The following TSPAN13 variants were observed in gnomAD, a reference collection of about 807,000 sequenced individuals.
TSPAN13 encodes the protein tetraspanin-13.
In TSPAN13, 18 loss-of-function variants were observed where a neutral mutation model predicts 26.9. The ratio of observed to expected loss-of-function variants is 0.67; its 90% confidence interval spans 0.46 to 0.99. The LOEUF is 0.99. Among genes scored for constraint, TSPAN13 ranks in the 50% least tolerant of loss-of-function variants. The pLI is 0.00. For missense variants in TSPAN13, 201 were observed against 249.6 expected (o/e 0.81, Z 1.31); for synonymous variants, 116 against 98.4 (o/e 1.18, Z -1.06).
intron 1 of TSPAN13, among the ~76,000 whole-genome samples, chr7:16,769,934 T>G (rs1482666750): frequency 6.6e-6 from 1 of 152,166 alleles, no homozygotes; most frequent in African/African-American, 2.4e-5. Context: ...CTTTGGCTTT[T>G]TGATCGGTAT....
In TSPAN13 at chr7:16,777,084, G is replaced by C; in HGVS notation, c.274G>C (p.Val92Leu). The change falls in exon 3 of 6, where the codon GTA becomes CTA. Residue 92 changes from valine (V) to leucine (L), a missense_variant. Transcript: ENST00000262067. ...ACTTGTATTTATTGTTCAGTTTTCTGTATCTTGCGCTTGTTTAGCCCTGAA... is the reference window on the plus strand; with the variant it reads ...ACTTGTATTTATTGTTCAGTTTTCTCTATCTTGCGCTTGTTTAGCCCTGAA... ...LLLVFIVQFS[V>L]SCACLALNQE... The C allele has an allele frequency of 6.2e-7, 1 of 1,613,434 alleles. No homozygotes were observed.
At chr7:16,765,159 G>A (rs2115326383) in intron 1 of TSPAN13, among the ~76,000 whole-genome samples, 1 of 152,290 alleles carries the variant, frequency 6.6e-6, no homozygotes, top group East Asian at 1.9e-4. Context: ...CTGGAGTGCA[G>A]TGGCATGAAC....
chr7:16,759,721 T>A (rs1295845996), intron 1 of TSPAN13, among the ~76,000 whole-genome samples: 3 of 146,566 alleles, frequency 2.0e-5, no homozygotes, highest in Admixed American at 7.0e-5. Flanking sequence ...TTTTTTGATA[T>A]AGGGTATTGC....
chr7:16,762,681 C>T (rs1242552612), intron 1 of TSPAN13, among the ~76,000 whole-genome samples: 2 of 152,114 alleles, frequency 1.3e-5, no homozygotes, highest in South Asian at 4.1e-4. Context: ...GAAGTCAAGA[C>T]CCAGGTAACC....
chr7:16,765,127 G>C (rs1214616107), intron 1 of TSPAN13, among the ~76,000 whole-genome samples: 3 of 151,984 alleles, frequency 2.0e-5, no homozygotes, highest in Admixed American at 2.0e-4. Flanking sequence ...TTTTGAGACA[G>C]GGTCTTGCTC....
At chr7:16,771,823 A>G (rs930040958) in intron 1 of TSPAN13, among the ~76,000 whole-genome samples, 2 of 152,208 alleles carry the variant, frequency 1.3e-5, no homozygotes, top group African/African-American at 4.8e-5. Context: ...TGGTAGTGGT[A>G]ATTAGGGTAG....
intron 1 of TSPAN13, among the ~76,000 whole-genome samples, chr7:16,755,709 A>C (rs1784474895): frequency 6.6e-6 from 1 of 152,042 alleles, no homozygotes; most frequent in Admixed American, 6.6e-5. Flanking sequence ...TACTTTGCAT[A>C]CTTACTTCAC....
intron 1 of TSPAN13, among the ~76,000 whole-genome samples, chr7:16,754,848 T>C (rs940484657): frequency 6.6e-6 from 1 of 152,188 alleles, no homozygotes; most frequent in African/African-American, 2.4e-5. Context: ...GATCGACATT[T>C]ATTGAATGCC....
chr7:16,762,302 T>C (rs1186592964), intron 1 of TSPAN13, among the ~76,000 whole-genome samples: 1 of 152,184 alleles, frequency 6.6e-6, no homozygotes, highest in African/African-American at 2.4e-5. Flanking sequence ...CAGCAGTGTG[T>C]TTTGAGCACC....
chr7:16,754,414 C>T (rs1784458886), intron 1 of TSPAN13, among the ~76,000 whole-genome samples: 1 of 152,170 alleles, frequency 6.6e-6, no homozygotes, highest in Non-Finnish European at 1.5e-5. Context: ...CGTGGAGGCG[C>T]GAGAGCCGTC....
chr7:16,758,096 A>G lies in TSPAN13; in HGVS notation c.63+4066A>G, dbSNP rs112493420. On this transcript the variant is annotated intron_variant, in intron 1 of 5. Transcript: ENST00000262067. ...GCGATCCACCCGCCTCGGTCTCCCA[A>G]AGTGCTGGGATTACAAGCATGAGCA... is the stretch of plus-strand genomic sequence containing the variant. Among the ~76,000 whole-genome samples the G allele has an allele frequency of 1.1e-4, 16 of 152,136 alleles. 1 individual carries two copies. The highest frequency in any genetic ancestry group is 2.6e-4 in the African/African-American group (11 of 41,518).
chr7:16,764,184 A>ATT (rs60512988), intron 1 of TSPAN13, among the ~76,000 whole-genome samples: 2 of 144,290 alleles, frequency 1.4e-5, no homozygotes, highest in Non-Finnish European at 3.0e-5. Context: ...TGCCCAGCTA[A>ATT]TTTTTTTTTT....
Position 16,779,118 on chromosome 7 carries a change from T to G in TSPAN13, c.540+2T>G. On this transcript the variant is annotated splice_donor_variant, in intron 5 of 5. Coordinates refer to ENST00000262067, the MANE Select transcript of TSPAN13 (RefSeq NM_014399.4). LOFTEE classifies it high-confidence loss of function. ...GGCCTGTTCTTCAGTTTTACAGAGG[T>G]ATGTGCAAATAACAATATTTTTCCT... The G allele has an allele frequency of 6.2e-7, 1 of 1,600,816 alleles. No individual in the cohort carries two copies. Among genetic ancestry groups the G allele is most frequent in the Non-Finnish European group, 8.5e-7 (1 of 1,171,326 alleles).
At chr7:16,755,193 C>T (rs1443824562) in intron 1 of TSPAN13, among the ~76,000 whole-genome samples, 2 of 152,188 alleles carry the variant, frequency 1.3e-5, no homozygotes, top group African/African-American at 2.4e-5. Flanking sequence ...GCTAGGCCAT[C>T]TGTGCAAGCT....
intron 3 of TSPAN13, among the ~76,000 whole-genome samples, chr7:16,777,542 C>T (rs1024886669): frequency 2.0e-5 from 3 of 152,096 alleles, no homozygotes; most frequent in African/African-American, 4.8e-5. Context: ...GAGAATTATG[C>T]CTTTGAACCA....
chr7:16,780,066 T>C (rs2115337609), intron 5 of TSPAN13, among the ~76,000 whole-genome samples: 1 of 152,010 alleles, frequency 6.6e-6, no homozygotes, highest in South Asian at 2.1e-4. Context: ...CCACCGTGCC[T>C]GGCCTAGTAT....
chr7:16,759,152 A>G (rs1784514455), intron 1 of TSPAN13, among the ~76,000 whole-genome samples: 1 of 152,172 alleles, frequency 6.6e-6, no homozygotes, highest in South Asian at 2.1e-4. Context: ...AGCTTCACAT[A>G]TGGTGGTCAT....
intron 1 of TSPAN13, among the ~76,000 whole-genome samples, chr7:16,761,643 C>T (rs1177133990): frequency 4.7e-5 from 7 of 150,138 alleles, no homozygotes; most frequent in Non-Finnish European, 1.0e-4. Context: ...TTCTCTCCTT[C>T]TGAGTAGCTA....
intron 5 of TSPAN13, among the ~76,000 whole-genome samples, chr7:16,781,838 CAAAG>C (rs1396103909): frequency 6.6e-6 from 1 of 152,028 alleles, no homozygotes; most frequent in Admixed American, 6.6e-5. Context: ...CGGGGGGACT[CAAAG>C]AAATAGTTGT....
Sources: gnomAD v4.1 joint callset for allele counts (sites outside exome capture counted in the v4.1 genomes callset) on GRCh38, gnomAD v4.1.1 for gene constraint, MANE v1.5 for transcripts, NCBI Gene and HGNC (gene_info 2026-07-23, HGNC 2026-07-21) for gene names.